Variants in TRPC4 observed in about 807,000 individuals in gnomAD.
The protein encoded by TRPC4 is short transient receptor potential channel 4.
TRPC4 carries 49 observed loss-of-function variants against 99.4 expected under a neutral mutation model. The ratio of observed to expected loss-of-function variants is 0.49; its 90% confidence interval spans 0.39 to 0.63. TRPC4 has a LOEUF of 0.63. TRPC4 is among the 20% of genes least tolerant of loss of function. TRPC4 has a pLI of 0.00. For synonymous variants in TRPC4, 454 were observed against 425.9 expected, an observed-to-expected ratio of 1.07 and a Z score of -0.81; for missense variants, 898 against 1,152.9, an observed-to-expected ratio of 0.78 and a Z score of 3.20.
rs1179818279 is a variant in TRPC4, at chr13:37,636,555, A to C, written c.*348T>G. ...CACATTGGTTTTTGAATATAAAAAT[A>C]TCTATTTTAGGAGTCAACTACCACA... is the stretch of plus-strand genomic sequence containing the variant. On this transcript the variant is annotated 3_prime_UTR_variant, in exon 11 of 11. Coordinates refer to ENST00000379705, the MANE Select transcript of TRPC4 (RefSeq NM_016179.4). The C allele has an allele frequency of 6.0e-6, 1 of 166,162 alleles. No individual in the cohort carries two copies. Among genetic ancestry groups the C allele is most frequent in the African/African-American group, 2.4e-5 (1 of 41,936 alleles). 10.3% of individuals were successfully genotyped at this position (166,162 alleles called of 1,614,324 possible).
chr13:37,819,292 C>T (rs939450735), intron 1 of TRPC4, among the ~76,000 whole-genome samples: 5 of 151,972 alleles, frequency 3.3e-5, no homozygotes, highest in African/African-American at 4.8e-5. Context: ...GATCTAAAGA[C>T]AGAAACACCA....
chr13:37,665,392 A>C (rs1407000068), intron 5 of TRPC4, among the ~76,000 whole-genome samples: 1 of 152,226 alleles, frequency 6.6e-6, no homozygotes, highest in Non-Finnish European at 1.5e-5. Flanking sequence ...TCAGGACTAT[A>C]TTTTAAAATA....
At chr13:37,747,064 G>T (rs897756268) in intron 2 of TRPC4, among the ~76,000 whole-genome samples, 14 of 152,128 alleles carry the variant, frequency 9.2e-5, no homozygotes, top group Non-Finnish European at 1.8e-4. Flanking sequence ...GACAAGAGGT[G>T]CTCCATAACT....
chr13:37,770,005 C>G (rs1956503122), intron 2 of TRPC4, among the ~76,000 whole-genome samples: 1 of 151,386 alleles, frequency 6.6e-6, no homozygotes. Context: ...AGTCGTGGAG[C>G]CAGGATTTGA....
intron 2 of TRPC4, among the ~76,000 whole-genome samples, chr13:37,760,638 T>TATGTGGCCCA: frequency 6.6e-6 from 1 of 151,968 alleles, no homozygotes; most frequent in Non-Finnish European, 1.5e-5. Flanking sequence ...CCACAGGCTG[T>TATGTGGCCCA]ATGTGGCCCA....
At chr13:37,780,723 G>T (rs1048709768) in intron 2 of TRPC4, among the ~76,000 whole-genome samples, 2 of 151,042 alleles carry the variant, frequency 1.3e-5, no homozygotes, top group African/African-American at 4.9e-5. Context: ...ATCTTTGTGT[G>T]CTATGCACGT....
intron 1 of TRPC4, among the ~76,000 whole-genome samples, chr13:37,858,985 A>G (rs2139707866): frequency 6.6e-6 from 1 of 151,560 alleles, no homozygotes; most frequent in African/African-American, 2.4e-5. Flanking sequence ...CAGATACCCC[A>G]TTTTCCATGA....
chr13:37,854,153 A>G (rs989061903), intron 1 of TRPC4, among the ~76,000 whole-genome samples: 3 of 152,186 alleles, frequency 2.0e-5, no homozygotes, highest in African/African-American at 7.2e-5. Flanking sequence ...AAGGTCAAGG[A>G]TAAAGAAATT....
intron 5 of TRPC4, among the ~76,000 whole-genome samples, chr13:37,665,032 A>T (rs928971515): frequency 1.3e-4 from 20 of 152,180 alleles, no homozygotes; most frequent in African/African-American, 4.3e-4. Context: ...TCCGCATAAA[A>T]TAGCTAATTA....
chr13:37,711,462 G>T (rs1005023097), intron 3 of TRPC4, among the ~76,000 whole-genome samples: 11 of 151,888 alleles, frequency 7.2e-5, no homozygotes, highest in African/African-American at 2.7e-4. Flanking sequence ...ACAAATCCAT[G>T]ATTCCAGTTT....
chr13:37,688,896 G>C (rs1953583236), intron 4 of TRPC4, among the ~76,000 whole-genome samples: 1 of 152,050 alleles, frequency 6.6e-6, no homozygotes, highest in Non-Finnish European at 1.5e-5. Context: ...CTAGAACCTT[G>C]CAAACAATGA....
chr13:37,727,413 A>G (rs1483511085), intron 3 of TRPC4, among the ~76,000 whole-genome samples: 1 of 152,026 alleles, frequency 6.6e-6, no homozygotes, highest in Admixed American at 6.6e-5. Flanking sequence ...TTTATGAGAC[A>G]CAAGGATAGC....
chr13:37,754,840 C>T (rs543326366), intron 2 of TRPC4, among the ~76,000 whole-genome samples: 2 of 152,192 alleles, frequency 1.3e-5, no homozygotes, highest in South Asian at 4.1e-4. Flanking sequence ...TTGACATATA[C>T]AAGCAACCAT....
intron 2 of TRPC4, among the ~76,000 whole-genome samples, chr13:37,751,338 A>C (rs1431028277): frequency 6.6e-6 from 1 of 152,256 alleles, no homozygotes; most frequent in East Asian, 1.9e-4. Context: ...GCTATTCAAA[A>C]TATACACAAA....
intron 1 of TRPC4, among the ~76,000 whole-genome samples, chr13:37,794,149 C>G (rs1190550566): frequency 6.6e-6 from 1 of 151,772 alleles, no homozygotes; most frequent in African/African-American, 2.4e-5. Context: ...AAAACTTACA[C>G]TAAAAAGGAG....
intron 3 of TRPC4, among the ~76,000 whole-genome samples, chr13:37,708,531 T>C (rs982916642): frequency 6.6e-6 from 1 of 151,946 alleles, no homozygotes; most frequent in Non-Finnish European, 1.5e-5. Flanking sequence ...ATGATATATA[T>C]TCTTGGACAT....
intron 1 of TRPC4, among the ~76,000 whole-genome samples, chr13:37,828,853 G>A (rs1345901077): frequency 6.6e-6 from 1 of 152,070 alleles, no homozygotes; most frequent in African/African-American, 2.4e-5. Context: ...GTGGGACTAG[G>A]GTGAGGATTG....
intron 3 of TRPC4, among the ~76,000 whole-genome samples, chr13:37,724,090 G>A (rs897998371): frequency 1.3e-5 from 2 of 151,918 alleles, no homozygotes; most frequent in Admixed American, 1.3e-4. Context: ...CATTATTTAT[G>A]AATTCCATAT....
chr13:37,742,409 T>C (rs1955618682), intron 3 of TRPC4, among the ~76,000 whole-genome samples: 1 of 152,178 alleles, frequency 6.6e-6, no homozygotes, highest in South Asian at 2.1e-4. Context: ...TTCAGGTGCA[T>C]TCATTACTGA....
Sources: gnomAD v4.1 joint callset for allele counts (sites outside exome capture counted in the v4.1 genomes callset) on GRCh38, gnomAD v4.1.1 for gene constraint, MANE v1.5 for transcripts, NCBI Gene and HGNC (gene_info 2026-07-23, HGNC 2026-07-21) for gene names.